DOC2B: variants seen among roughly 807,000 people sequenced by gnomAD.
DOC2B encodes the protein double C2 domain beta, also known as double C2-like domain-containing protein beta.
A neutral mutation model predicts 28.9 loss-of-function variants in DOC2B; 21 were observed. The observed-to-expected ratio is 0.73, with a 90% CI of 0.52 to 1.05. The LOEUF (loss-of-function observed/expected upper bound fraction) is 1.05. Ranked by LOEUF, DOC2B falls within the 50% of genes least tolerant of loss-of-function variation. The pLI is 0.00. For missense variants in DOC2B, 384 were observed against 421.1 expected (o/e 0.91, Z 0.77); for synonymous variants, 194 against 178.1 (o/e 1.09, Z -0.71).
chr17:163,691 GGA>G (rs1555523571), intron 3 of DOC2B: 2 of 161,374 alleles, frequency 1.2e-5, no homozygotes, highest in African/African-American at 4.8e-5. Flanking sequence ...TCCCCCTTGC[GGA>G]GAGTCAGGGA....
At chr17:157,645 T>A (rs372084979) in intron 5 of DOC2B, among the ~76,000 whole-genome samples, 3 of 152,326 alleles carry the variant, frequency 2.0e-5, no homozygotes, top group South Asian at 2.1e-4. Flanking sequence ...GGTTTTGCCA[T>A]GTCTGCCAGG....
intron 3 of DOC2B, among the ~76,000 whole-genome samples, chr17:162,463 G>A (rs2040216457): frequency 6.6e-6 from 1 of 152,180 alleles, no homozygotes; most frequent in Non-Finnish European, 1.5e-5. Flanking sequence ...ACCAAGGAAG[G>A]GGGCCAGAGA....
At chr17:179,907 C>T in intron 1 of DOC2B, among the ~76,000 whole-genome samples, 1 of 152,288 alleles carries the variant, frequency 6.6e-6, no homozygotes, top group East Asian at 1.9e-4. Context: ...GATGGGCCTC[C>T]CCAGGTGGGG....
intron 5 of DOC2B, among the ~76,000 whole-genome samples, chr17:160,103 G>A (rs971503820): frequency 6.6e-5 from 10 of 151,060 alleles, no homozygotes; most frequent in Non-Finnish European, 1.5e-4. Flanking sequence ...TCCTGCCTCA[G>A]CCTCCTGAGT....
chr17:149,434 G>A (rs2040049038), intron 6 of DOC2B, among the ~76,000 whole-genome samples: 1 of 152,080 alleles, frequency 6.6e-6, no homozygotes, highest in Non-Finnish European at 1.5e-5. Flanking sequence ...AGTTAACCCT[G>A]GGGGGCGCCC....
chr17:180,067 G>A (rs962921554), intron 1 of DOC2B, among the ~76,000 whole-genome samples: 7 of 152,262 alleles, frequency 4.6e-5, no homozygotes, highest in Non-Finnish European at 1.0e-4. Context: ...CGCAGGGGAG[G>A]GGCAGCACCA....
At chr17:177,802 G>C (rs746360352) in intron 1 of DOC2B, among the ~76,000 whole-genome samples, 1 of 152,256 alleles carries the variant, frequency 6.6e-6, no homozygotes, top group Non-Finnish European at 1.5e-5. Flanking sequence ...TGGGCTCAAA[G>C]GAAGGGGCAC....
At chr17:149,559 T>C (rs917028824) in intron 6 of DOC2B, among the ~76,000 whole-genome samples, 2 of 147,478 alleles carry the variant, frequency 1.4e-5, no homozygotes, top group African/African-American at 4.9e-5. Context: ...TTCAAACTTC[T>C]TTTTTTTTTT....
In DOC2B at chr17:156,252, G is replaced by A. The variant is rs774378997; in HGVS notation, c.891C>T (p.Asp297=). 58 of 1,551,398 alleles carry A rather than the reference G, an allele frequency of 3.7e-5. 1 individual carries two copies. Among genetic ancestry groups the A allele is most frequent in the South Asian group, 2.1e-4 (18 of 84,036 alleles). Residue 297 remains aspartate (D), a synonymous_variant, in exon 6 of 9, where the codon GAC becomes GAT. Coordinates refer to ENST00000613549, the MANE Select transcript of DOC2B (RefSeq NM_003585.5). The part of the protein sequence containing the change: ...IVRCAHLAAM[D]ANGYSDPYVK... Reference sequence around the variant, plus strand: ...CGTAGGGGTCCGAGTAGCCGTTGGCGTCCATGGCGGCCAGGTGGGCGCACC... The same window carrying A: ...CGTAGGGGTCCGAGTAGCCGTTGGCATCCATGGCGGCCAGGTGGGCGCACC...
intron 5 of DOC2B, among the ~76,000 whole-genome samples, chr17:158,141 C>T (rs2040157510): frequency 6.6e-6 from 1 of 152,214 alleles, no homozygotes; most frequent in African/African-American, 2.4e-5. Context: ...CAAGGCAGAT[C>T]TCAGCTCCAG....
In DOC2B at chr17:161,498, T is replaced by C; in HGVS notation, c.682A>G (p.Ile228Val). ...DEDKFRHNEF[I>V]GETRVPLKKL... ...TTCAGGGGCACACGTGTCTCCCCGA[T>C]GAACTCATTGTGCCGGAATTTGTCC... The change falls in exon 5 of 9, where the codon ATC (isoleucine) becomes GTC (valine). Residue 228 changes from isoleucine (I) to valine (V), a missense_variant. Ile to Val is a conservative substitution (Grantham distance 29, BLOSUM62 3). Transcript: ENST00000613549. 1 of 1,551,744 alleles carries C rather than the reference T, an allele frequency of 6.4e-7. No homozygotes were observed. Among genetic ancestry groups the C allele is most frequent in the Non-Finnish European group, 8.7e-7 (1 of 1,146,994 alleles).
chr17:149,258 AG>A (rs1342858498), intron 6 of DOC2B, 66 bp from the exon 7 acceptor site: 16 of 398,990 alleles, frequency 4.0e-5, no homozygotes, highest in Non-Finnish European at 4.9e-5. Flanking sequence ...TCAAGCCAGC[AG>A]GTATTCAAAG....
intron 6 of DOC2B, among the ~76,000 whole-genome samples, chr17:150,705 A>G (rs572980552): frequency 1.3e-5 from 2 of 152,364 alleles, no homozygotes; most frequent in Admixed American, 6.5e-5. Context: ...AAATGAAGAC[A>G]TATGTCCACA....
At chr17:153,161 T>G (rs572412553) in intron 6 of DOC2B, among the ~76,000 whole-genome samples, 230 of 152,268 alleles carry the variant, frequency 1.5e-3, no homozygotes, top group African/African-American at 5.3e-3. Flanking sequence ...AAAGGCCACG[T>G]GACCTGGCCC....
intron 7 of DOC2B, 126 bp from the exon 8 acceptor site, chr17:148,395 G>C: frequency 2.5e-6 from 1 of 397,214 alleles, no homozygotes; most frequent in Non-Finnish European, 4.4e-6. Context: ...TGGATGATGG[G>C]TGGATGCTCA....
chr17:149,376 A>T (rs1426035288), intron 6 of DOC2B, among the ~76,000 whole-genome samples, 184 bp from the exon 7 acceptor site: 1 of 152,082 alleles, frequency 6.6e-6, no homozygotes, highest in Non-Finnish European at 1.5e-5. Context: ...TTCGAGAAGC[A>T]AGTGGTCCCT....
At chr17:176,484 G>C (rs1260474094) in intron 1 of DOC2B, among the ~76,000 whole-genome samples, 1 of 152,144 alleles carries the variant, frequency 6.6e-6, no homozygotes, top group Non-Finnish European at 1.5e-5. Flanking sequence ...ACCTCCCAAA[G>C]TGCTGGGATT....
chr17:181,528 C>G lies in DOC2B; in HGVS notation c.-49G>C. 1 of 965,774 alleles carries G rather than the reference C, an allele frequency of 1.0e-6. No individual in the cohort carries two copies. The highest frequency in any genetic ancestry group is 1.2e-6 in the Non-Finnish European group (1 of 814,180). The allele number at this position is 965,774 out of a possible 1,614,324, so 59.8% of individuals were successfully genotyped here. ...GGCGCGGCCCGGCCCGGCGCGACCCCGGCCCGGGGGCGGCTCAGCAGGCCC... is the reference window on the plus strand; with the variant it reads ...GGCGCGGCCCGGCCCGGCGCGACCCGGGCCCGGGGGCGGCTCAGCAGGCCC... On this transcript the variant is annotated 5_prime_UTR_variant, in exon 1 of 9. Transcript: ENST00000613549. The surrounding 1 kb of genome is among the most constrained non-coding windows in gnomAD (Gnocchi z 7.0).
chr17:155,607 T>C (rs1175468216), intron 6 of DOC2B, among the ~76,000 whole-genome samples: 1 of 152,164 alleles, frequency 6.6e-6, no homozygotes, highest in Admixed American at 6.5e-5. Context: ...GTGGCACCTG[T>C]AGCACCCTCT....
Sources: gnomAD v4.1 joint callset for allele counts (sites outside exome capture counted in the v4.1 genomes callset) on GRCh38, gnomAD v4.1.1 for gene constraint, Gnocchi (gnomAD v3.1) non-coding constraint, MANE v1.5 for transcripts, NCBI Gene and HGNC (gene_info 2026-07-23, HGNC 2026-07-21) for gene names.